The following ATP8A2 variants were observed in gnomAD, a reference collection of about 807,000 sequenced individuals.
ATP8A2 encodes the protein phospholipid-transporting ATPase IB.
A neutral mutation model predicts 165.6 loss-of-function variants in ATP8A2; 100 were observed. The observed-to-expected ratio is 0.60, with a 90% CI of 0.51 to 0.71. The LOEUF (loss-of-function observed/expected upper bound fraction) is 0.71. ATP8A2 is among the 30% of genes least tolerant of loss of function. The pLI is 0.00. For synonymous variants in ATP8A2, 543 were observed against 548.8 expected (o/e 0.99, Z 0.15); for missense variants, 1,227 against 1,479.5 (o/e 0.83, Z 2.80).
intron 30 of ATP8A2, among the ~76,000 whole-genome samples, chr13:25,848,191 C>A (rs908367966): frequency 6.6e-6 from 1 of 152,238 alleles, no homozygotes; most frequent in Admixed American, 6.5e-5. Flanking sequence ...GCCTCCATGA[C>A]AATCATTCCA....
At chr13:25,608,921 A>G (rs1460089053) in intron 24 of ATP8A2, among the ~76,000 whole-genome samples, 2 of 152,170 alleles carry the variant, frequency 1.3e-5, no homozygotes, top group Non-Finnish European at 2.9e-5. Context: ...TTAAAAACCT[A>G]TACTTACAAA....
chr13:25,827,067 T>A (rs1231796185), intron 27 of ATP8A2, among the ~76,000 whole-genome samples: 2 of 152,262 alleles, frequency 1.3e-5, no homozygotes, highest in Non-Finnish European at 2.9e-5. Flanking sequence ...TGATCTTTCC[T>A]TTTCTGACAG....
intron 1 of ATP8A2, among the ~76,000 whole-genome samples, chr13:25,374,868 T>G (rs540550104): frequency 6.6e-6 from 1 of 152,308 alleles, no homozygotes; most frequent in Non-Finnish European, 1.5e-5. Flanking sequence ...TTTAGTGAAG[T>G]CTGCTACTTC....
chr13:25,824,455 G>C (rs561767638), intron 27 of ATP8A2, among the ~76,000 whole-genome samples: 60 of 152,228 alleles, frequency 3.9e-4, no homozygotes, highest in Non-Finnish European at 8.5e-4. Context: ...TTCTTCGGCC[G>C]TGTGGCTTGT....
chr13:25,449,583 T>C (rs566275210), intron 1 of ATP8A2, among the ~76,000 whole-genome samples: 32 of 152,338 alleles, frequency 2.1e-4, no homozygotes, highest in Admixed American at 1.2e-3. Context: ...CTTCAGAGTC[T>C]TGCTCACATC....
intron 33 of ATP8A2, among the ~76,000 whole-genome samples, chr13:25,922,924 G>A (rs1173782223): frequency 2.6e-5 from 4 of 152,200 alleles, no homozygotes; most frequent in African/African-American, 7.2e-5. Context: ...AAGCCCAGGA[G>A]ATGCCTTCTC....
At position 25,765,872 on chromosome 13, in the gene ATP8A2, C is replaced by T. The variant is rs186640960; in HGVS notation, c.2385-3174C>T. 2.3e-3 allele frequency among the ~76,000 whole-genome samples: 347 copies of T among 152,246 alleles called. 1 individual carries two copies. The highest frequency in any genetic ancestry group is 7.2e-3 in the African/African-American group (300 of 41,542). ...CTTTAACCTCAAAAAAAACCCGGGT[C>T]TGTTTAGGTCCTTCCCTGTTCCACT... is the stretch of plus-strand genomic sequence containing the variant. On this transcript the variant is annotated intron_variant, in intron 25 of 36. Transcript: ENST00000381655.
chr13:25,400,739 T>C (rs546013935), intron 1 of ATP8A2, among the ~76,000 whole-genome samples: 217 of 152,334 alleles, frequency 1.4e-3, no homozygotes, highest in Non-Finnish European at 2.0e-3. Context: ...ACACAGACTC[T>C]TGCTGTAACG....
At position 25,998,221 on chromosome 13, in the gene ATP8A2, T is replaced by C. The variant is rs116443063; in HGVS notation, c.3378-14310T>C. Reference sequence around the variant, plus strand: ...AAGGATGCCTTCACATTTCACTGGGTTGGGGATGGAAGTCTAGTCATCCGA... The same window carrying C: ...AAGGATGCCTTCACATTTCACTGGGCTGGGGATGGAAGTCTAGTCATCCGA... On this transcript the variant is annotated intron_variant, in intron 35 of 36. Coordinates refer to ENST00000381655, the MANE Select transcript of ATP8A2 (RefSeq NM_016529.6). Among the ~76,000 whole-genome samples, 574 of 152,234 alleles carry C rather than the reference T, an allele frequency of 3.8e-3. 4 individuals carry two copies. Among genetic ancestry groups the C allele is most frequent in the African/African-American group, 0.012 (503 of 41,536 alleles).
chr13:25,762,547 AG>A (rs1471403742), intron 25 of ATP8A2, among the ~76,000 whole-genome samples: 17 of 152,224 alleles, frequency 1.1e-4, no homozygotes, highest in African/African-American at 3.6e-4. Flanking sequence ...GCCTGCTCCT[AG>A]GTCTGTTGTT....
At chr13:25,757,923 T>C (rs2044298367) in intron 25 of ATP8A2, among the ~76,000 whole-genome samples, 1 of 152,112 alleles carries the variant, frequency 6.6e-6, no homozygotes, top group Admixed American at 6.6e-5. Flanking sequence ...TCCTGCTGGC[T>C]CCATGCTGCA....
At chr13:25,894,692 T>G (rs1953479068) in intron 33 of ATP8A2, among the ~76,000 whole-genome samples, 1 of 152,220 alleles carries the variant, frequency 6.6e-6, no homozygotes, top group African/African-American at 2.4e-5. Context: ...CATTTCTTTG[T>G]ATCCTCTTTT....
At chr13:25,898,533 A>G (rs1456928496) in intron 33 of ATP8A2, among the ~76,000 whole-genome samples, 1 of 152,190 alleles carries the variant, frequency 6.6e-6, no homozygotes, top group Non-Finnish European at 1.5e-5. Flanking sequence ...TGCTCGGAGA[A>G]CCACTCCTCT....
intron 1 of ATP8A2, among the ~76,000 whole-genome samples, chr13:25,430,144 G>T (rs1227981418): frequency 1.3e-5 from 2 of 152,144 alleles, no homozygotes; most frequent in African/African-American, 2.4e-5. Context: ...CCAGGTGGGG[G>T]TGTCTAGTAA....
intron 25 of ATP8A2, among the ~76,000 whole-genome samples, chr13:25,751,215 G>A (rs1391744934): frequency 1.3e-5 from 2 of 152,198 alleles, no homozygotes; most frequent in Admixed American, 1.3e-4. Flanking sequence ...GAGGGCCCCA[G>A]ACTGTAATAA....
chr13:25,985,264 CA>C (rs919756406), intron 35 of ATP8A2, among the ~76,000 whole-genome samples: 5 of 152,096 alleles, frequency 3.3e-5, no homozygotes, highest in Non-Finnish European at 7.4e-5. Flanking sequence ...AAAAAGCACA[CA>C]AAAAAATAAC....
intron 33 of ATP8A2, among the ~76,000 whole-genome samples, chr13:25,891,103 T>C (rs991376629): frequency 6.6e-6 from 1 of 152,230 alleles, no homozygotes; most frequent in African/African-American, 2.4e-5. Context: ...CAAAGTAAAG[T>C]TGAAAATGCA....
intron 24 of ATP8A2, among the ~76,000 whole-genome samples, chr13:25,614,062 C>G (rs1199594535): frequency 6.6e-6 from 1 of 152,104 alleles, no homozygotes; most frequent in Non-Finnish European, 1.5e-5. Flanking sequence ...TTTGAGCTTC[C>G]TGTAGTCTAG....
chr13:25,393,992 G>A lies in ATP8A2; in HGVS notation c.76+21704G>A, dbSNP rs116925180. 8.0e-3 allele frequency among the ~76,000 whole-genome samples: 1,219 copies of A among 152,232 alleles called. 13 individuals carry two copies. The highest frequency in any genetic ancestry group is 0.022 in the South Asian group (107 of 4,818). On this transcript the variant is annotated intron_variant, in intron 1 of 36. Coordinates refer to ENST00000381655, the MANE Select transcript of ATP8A2 (RefSeq NM_016529.6). ...CTATAAAACAGGAATATTATCTTAGGATCAATGAGAGGAACTGCAAACTGC... is the reference window on the plus strand; with the variant it reads ...CTATAAAACAGGAATATTATCTTAGAATCAATGAGAGGAACTGCAAACTGC...
Sources: gnomAD v4.1 joint callset for allele counts (sites outside exome capture counted in the v4.1 genomes callset) on GRCh38, gnomAD v4.1.1 for gene constraint, MANE v1.5 for transcripts, NCBI Gene and HGNC (gene_info 2026-07-23, HGNC 2026-07-21) for gene names.